TEKT3: variants seen among roughly 807,000 people sequenced by gnomAD.
TEKT3 encodes the protein tektin-3.
TEKT3 carries 49 observed loss-of-function variants against 49.8 expected under a neutral mutation model. The ratio of observed to expected loss-of-function variants is 0.98; its 90% confidence interval spans 0.78 to 1.25. The LOEUF is 1.25. Ranked by LOEUF, TEKT3 falls within the 50% of genes most tolerant of loss-of-function variation. The pLI is 0.00. For missense variants in TEKT3, 595 were observed against 629.5 expected, an observed-to-expected ratio of 0.95 and a Z score of 0.59; for synonymous variants, 225 against 237.2, an observed-to-expected ratio of 0.95 and a Z score of 0.47.
chr17:15,341,198 C>G (rs2150758329), intron 1 of TEKT3, among the ~76,000 whole-genome samples: 1 of 152,294 alleles, frequency 6.6e-6, no homozygotes, highest in South Asian at 2.1e-4. Flanking sequence ...CACAGCGCTG[C>G]TAACGGGTAA....
chr17:15,319,967 T>G (rs566176333), intron 4 of TEKT3, among the ~76,000 whole-genome samples: 2 of 152,370 alleles, frequency 1.3e-5, no homozygotes, highest in South Asian at 4.1e-4. Context: ...CATTTTCTCA[T>G]GACATTAAAA....
intron 2 of TEKT3, among the ~76,000 whole-genome samples, chr17:15,338,813 G>A (rs778755561): frequency 6.6e-6 from 1 of 151,356 alleles, no homozygotes; most frequent in Non-Finnish European, 1.5e-5. Flanking sequence ...ACCGCGCCCA[G>A]CCAGTCAATT....
intron 7 of TEKT3, among the ~76,000 whole-genome samples, chr17:15,311,849 A>G (rs1389596931): frequency 2.0e-5 from 3 of 152,182 alleles, no homozygotes; most frequent in African/African-American, 7.2e-5. Flanking sequence ...ACTTTGAACT[A>G]CCTAACAGTT....
In TEKT3 at chr17:15,314,218, C is replaced by T. The variant is rs144456077; in HGVS notation, c.747G>A (p.Ala249=). The change falls in exon 6 of 9, where the codon GCG becomes GCA. Residue 249 remains alanine (A), a synonymous_variant. Coordinates refer to ENST00000395930, the MANE Select transcript of TEKT3 (RefSeq NM_031898.3). The part of the protein sequence containing the change: ...KAIAQLAANR[A]SQHELEKDLS... ...GGTCCTTTTCCAGCTCATGCTGGGA[C>T]GCTCTGTTGGCTCTGCAATACAGAG... 1,250 of 1,614,208 alleles carry T rather than the reference C, an allele frequency of 7.7e-4. 10 individuals are homozygous for T. The African/African-American group carries it at 0.012, about 15-fold the overall frequency.
At chr17:15,317,723 A>G (rs954500249) in intron 5 of TEKT3, among the ~76,000 whole-genome samples, 2 of 152,182 alleles carry the variant, frequency 1.3e-5, no homozygotes, top group Non-Finnish European at 2.9e-5. Context: ...GTTGGCCAAC[A>G]GTCTCGGCCA....
intron 5 of TEKT3, among the ~76,000 whole-genome samples, chr17:15,318,772 T>C (rs1403666309): frequency 6.6e-6 from 1 of 152,208 alleles, no homozygotes; most frequent in Non-Finnish European, 1.5e-5. Context: ...ACTCCTGGGC[T>C]CAAGCGATTT....
intron 4 of TEKT3, among the ~76,000 whole-genome samples, chr17:15,321,289 G>A (rs11078289): frequency 0.37 from 55,829 of 151,766 alleles, 11,901 homozygotes; most frequent in African/African-American, 0.58. Context: ...GATTACAGGC[G>A]TGAGCCACCA....
upstream of TEKT3, among the ~76,000 whole-genome samples, chr17:15,343,413 G>C (rs1912292919): frequency 1.3e-5 from 2 of 152,204 alleles, no homozygotes; most frequent in African/African-American, 4.8e-5. Flanking sequence ...CAGAATTGAG[G>C]TTAATGCTTG....
chr17:15,314,262 C>T lies in TEKT3; in HGVS notation c.735-32G>A, dbSNP rs750186215. ...TACAGAGTCGGGAAGTGGAGCTTCA[C>T]ACTCAGGTGACAATGTCCTGCAAGG... On this transcript the variant is annotated intron_variant, in intron 5 of 8. Coordinates refer to ENST00000395930, the MANE Select transcript of TEKT3 (RefSeq NM_031898.3). 2.5e-6 allele frequency: 4 copies of T among 1,613,204 alleles called. No homozygotes were observed. The Admixed American group carries it at 6.7e-5, about 27-fold the overall frequency.
chr17:15,309,184 C>T, intron 7 of TEKT3, among the ~76,000 whole-genome samples: 1 of 152,166 alleles, frequency 6.6e-6, no homozygotes, highest in East Asian at 1.9e-4. Flanking sequence ...AATTACTGAC[C>T]AGCACACCTC....
At position 15,308,694 on chromosome 17, in the gene TEKT3, A is replaced by G. The variant is rs368117694; in HGVS notation, c.1226T>C (p.Ile409Thr). The G allele has an allele frequency of 5.9e-5, 95 of 1,612,364 alleles. No homozygotes were observed. Among genetic ancestry groups the G allele is most frequent in the Non-Finnish European group, 7.2e-5 (85 of 1,179,420 alleles). ...CTGAGCCATGTCTCGGCACAACTCAATGTTCGGCCGTCTTGTGCGCTCATC... is the reference window on the plus strand; with the variant it reads ...CTGAGCCATGTCTCGGCACAACTCAGTGTTCGGCCGTCTTGTGCGCTCATC... ...RLDERTRRPN[I>T]ELCRDMAQLR... is the part of the protein sequence containing the mutation. The change falls in exon 8 of 9, where the codon ATT becomes ACT. Residue 409 changes from isoleucine (I) to threonine (T), a missense_variant. Ile to Thr is a moderately conservative substitution (Grantham distance 89, BLOSUM62 -1). Transcript: ENST00000395930.
At chr17:15,327,379 G>C (rs773640490) in intron 4 of TEKT3, among the ~76,000 whole-genome samples, 2 of 152,042 alleles carry the variant, frequency 1.3e-5, no homozygotes, top group Non-Finnish European at 2.9e-5. Context: ...AGCCAGGCAT[G>C]GTGGCAGGTG....
chr17:15,313,860 G>T (rs1323236127), intron 6 of TEKT3, among the ~76,000 whole-genome samples: 1 of 152,158 alleles, frequency 6.6e-6, no homozygotes, highest in Non-Finnish European at 1.5e-5. Context: ...TTCATAGTTA[G>T]AAAATATAAG....
intron 6 of TEKT3, among the ~76,000 whole-genome samples, chr17:15,313,471 T>G (rs1371399000): frequency 1.3e-5 from 2 of 152,132 alleles, no homozygotes; most frequent in Non-Finnish European, 2.9e-5. Flanking sequence ...ATCCAGGGCA[T>G]GCTATACAAT....
chr17:15,343,315 G>A (rs1272370353), upstream of TEKT3, among the ~76,000 whole-genome samples: 2 of 152,166 alleles, frequency 1.3e-5, no homozygotes, highest in African/African-American at 2.4e-5. Context: ...GATCAACTCT[G>A]TTCTCCATAG....
intron 2 of TEKT3, among the ~76,000 whole-genome samples, chr17:15,332,000 G>A (rs1298289854): frequency 1.3e-5 from 2 of 151,346 alleles, no homozygotes; most frequent in Non-Finnish European, 2.9e-5. Flanking sequence ...CCAACAAGAC[G>A]AAATGTCGTC....
Position 15,312,491 on chromosome 17 carries a change from A to C in TEKT3, c.879-10T>G, listed in dbSNP as rs543456202. On this transcript the variant is annotated splice_polypyrimidine_tract_variant and intron_variant, in intron 6 of 8. Transcript: ENST00000395930. Reference sequence around the variant, plus strand: ...CTCAGGCACTGAGACACTGAAAAAGAGAAGCAGAAGCAGACAACAGTGAGA... The same window carrying C: ...CTCAGGCACTGAGACACTGAAAAAGCGAAGCAGAAGCAGACAACAGTGAGA... 1.2e-5 allele frequency: 20 copies of C among 1,611,458 alleles called. No individual in the cohort carries two copies. In the East Asian group the frequency reaches 2.9e-4, roughly 23 times the overall value.
In TEKT3 at chr17:15,331,567, T is replaced by A; in HGVS notation, c.19A>T (p.Thr7Ser). MERVGC[T>S]LTTTYAHPRP... ...GGGTGGGCGTAAGTTGTCGTTAAAG[T>A]ACAACCTACACGTTCCATGATGCCA... Residue 7 changes from threonine to serine, a missense_variant, in exon 3 of 9, where the codon ACT becomes TCT. Physicochemically the swap from Thr to Ser is moderately conservative, Grantham distance 58 (BLOSUM62 1). Transcript: ENST00000395930. The A allele has an allele frequency of 3.7e-6, 6 of 1,613,556 alleles. No homozygotes were observed. Among genetic ancestry groups the A allele is most frequent in the Non-Finnish European group, 4.2e-6 (5 of 1,179,750 alleles).
In TEKT3 at chr17:15,314,197, C is replaced by G; in HGVS notation, c.768G>C (p.Lys256Asn). ...AAGCCGTCTGTTTGTCACTCAGGTC[C>G]TTTTCCAGCTCATGCTGGGACGCTC... is the stretch of plus-strand genomic sequence containing the variant. ...ANRASQHELE[K>N]DLSDKQTAYR... Residue 256 changes from lysine to asparagine, a missense_variant, in exon 6 of 9, where the codon AAG (lysine) becomes AAC (asparagine). Coordinates refer to ENST00000395930, the MANE Select transcript of TEKT3 (RefSeq NM_031898.3). 1.2e-6 allele frequency: 2 copies of G among 1,614,220 alleles called. No homozygotes were observed. Among genetic ancestry groups the G allele is most frequent in the Non-Finnish European group, 8.5e-7 (1 of 1,180,036 alleles).
Sources: allele counts gnomAD v4.1 joint callset (sites outside exome capture counted in the v4.1 genomes callset), GRCh38; gene constraint gnomAD v4.1.1; transcripts MANE v1.5; gene names NCBI Gene and HGNC (gene_info 2026-07-23, HGNC 2026-07-21).